SNX8: variants seen among roughly 807,000 people sequenced by gnomAD.
SNX8 encodes the protein sorting nexin-8.
In SNX8, 25 loss-of-function variants were observed where a neutral mutation model predicts 51.6. The ratio of observed to expected loss-of-function variants is 0.48; its 90% CI spans 0.35 to 0.68. SNX8 has a LOEUF of 0.68. Among genes scored for constraint, SNX8 ranks in the 30% least tolerant of loss-of-function variants. The pLI is 0.00. For synonymous variants in SNX8, 324 were observed against 277.0 expected (o/e 1.17, Z -1.68); for missense variants, 695 against 624.0 (o/e 1.11, Z -1.21).
At chr7:2,299,378 T>C (rs1444340225) in intron 1 of SNX8, 3 of 151,366 alleles carry the variant, frequency 2.0e-5, no homozygotes, top group Non-Finnish European at 4.4e-5. Flanking sequence ...CAAATCAGAG[T>C]CAAGGGACAA....
chr7:2,308,062 T>TGA (rs957350775), intron 1 of SNX8: 1 of 151,824 alleles, frequency 6.6e-6, no homozygotes, highest in Non-Finnish European at 1.5e-5. Context: ...TGTGTGTGTG[T>TGA]GAGAGAGAGA....
At chr7:2,290,700 G>A (rs749512092) in intron 1 of SNX8, among the ~76,000 whole-genome samples, 6 of 152,182 alleles carry the variant, frequency 3.9e-5, no homozygotes, top group Non-Finnish European at 8.8e-5. Context: ...TCATGGTGAT[G>A]GGGACCGCGC....
At chr7:2,291,843 T>C (rs1010134935) in intron 1 of SNX8, among the ~76,000 whole-genome samples, 3 of 152,202 alleles carry the variant, frequency 2.0e-5, no homozygotes, top group African/African-American at 7.2e-5. Context: ...CACAGGCTTC[T>C]CCCAAACTAA....
chr7:2,325,431 T>C (rs1200434669), intron 1 of SNX8, among the ~76,000 whole-genome samples: 1 of 152,170 alleles, frequency 6.6e-6, no homozygotes, highest in African/African-American at 2.4e-5. Flanking sequence ...GAACGTGGTA[T>C]AGAAAACCTA....
chr7:2,284,006 G>T (rs539508489), intron 1 of SNX8, among the ~76,000 whole-genome samples: 1 of 152,098 alleles, frequency 6.6e-6, no homozygotes, highest in East Asian at 1.9e-4. Flanking sequence ...TGTTGACCAG[G>T]CTTGTCCTGA....
At chr7:2,341,158 T>G (rs1778916412) in intron 1 of SNX8, among the ~76,000 whole-genome samples, 1 of 139,726 alleles carries the variant, frequency 7.2e-6, no homozygotes. Flanking sequence ...GACATCCAGA[T>G]CTTCTCTTAA....
chr7:2,347,952 C>T (rs1779064265), intron 1 of SNX8, among the ~76,000 whole-genome samples: 1 of 151,996 alleles, frequency 6.6e-6, no homozygotes, highest in Non-Finnish European at 1.5e-5. Flanking sequence ...CACACTGGAC[C>T]CTTTGAATCC....
At chr7:2,268,095 GC>G (rs1302525806) in intron 5 of SNX8, among the ~76,000 whole-genome samples, 5 of 142,416 alleles carry the variant, frequency 3.5e-5, no homozygotes, top group Non-Finnish European at 7.7e-5. Flanking sequence ...CTGGCCAGCC[GC>G]CCCGTCCGGG....
chr7:2,275,239 A>AAG lies in SNX8; in HGVS notation c.301-12_301-11dup. The AAG allele has an allele frequency of 6.3e-7, 1 of 1,586,366 alleles. No individual in the cohort carries two copies. The highest frequency in any genetic ancestry group is 2.2e-5 in the East Asian group (1 of 44,722). ...CCGAGGACTTGAAGCGCTGCAAGAG[A>AAG]AGGGTCGGTGCTTAGATCCGACGTT... On this transcript the variant is annotated splice_polypyrimidine_tract_variant and intron_variant, in intron 2 of 10. Transcript: ENST00000222990.
intron 1 of SNX8, among the ~76,000 whole-genome samples, chr7:2,298,319 A>G (rs76972890): frequency 0.036 from 5,541 of 152,050 alleles, 301 homozygotes; most frequent in African/African-American, 0.094. Context: ...AAGTCTCACT[A>G]TGGTGCCCAG....
intron 3 of SNX8, among the ~76,000 whole-genome samples, chr7:2,272,566 G>T (rs1795675654): frequency 6.6e-6 from 1 of 151,836 alleles, no homozygotes; most frequent in African/African-American, 2.4e-5. Flanking sequence ...AGTAGAGATG[G>T]GGTTTCACCA....
At chr7:2,265,721 G>C (rs1327851659) in intron 5 of SNX8, among the ~76,000 whole-genome samples, 2 of 152,204 alleles carry the variant, frequency 1.3e-5, no homozygotes, top group East Asian at 1.9e-4. Flanking sequence ...TGGGGGGAAG[G>C]CCTCTTCTAT....
In SNX8 at chr7:2,273,076, C is replaced by T. The variant is rs1005206428; in HGVS notation, c.419-1105G>A. Among the ~76,000 whole-genome samples, 6 of 152,170 alleles carry T rather than the reference C, an allele frequency of 3.9e-5. No individual in the cohort carries two copies. The East Asian group carries it at 7.8e-4, about 20-fold the overall frequency. The stretch of plus-strand genomic sequence containing the variant: ...CTCGAACTCCTGACCTCAGGTGATC[C>T]GCCCACCTCAGCCTCCCAAAGTGCT... On this transcript the variant is annotated intron_variant, in intron 3 of 10. Coordinates refer to ENST00000222990, the MANE Select transcript of SNX8 (RefSeq NM_013321.4).
intron 1 of SNX8, among the ~76,000 whole-genome samples, chr7:2,313,623 G>A (rs975385829): frequency 1.2e-4 from 19 of 152,264 alleles, no homozygotes; most frequent in Admixed American, 1.0e-3. Context: ...AGCACTTTGG[G>A]AGGCCAAGGC....
chr7:2,353,702 C>G (rs1779221246), intron 1 of SNX8, among the ~76,000 whole-genome samples: 1 of 152,090 alleles, frequency 6.6e-6, no homozygotes, highest in Admixed American at 6.6e-5. Context: ...AGGTCCGTCC[C>G]CGATAAACAC....
At chr7:2,317,938 T>C (rs573249658), upstream of SNX8, among the ~76,000 whole-genome samples, 2 of 152,308 alleles carry the variant, frequency 1.3e-5, no homozygotes, top group Non-Finnish European at 2.9e-5. Flanking sequence ...CCATATCTGA[T>C]AGCTGCTTCC....
At chr7:2,310,242 A>C (rs1182093606) in intron 1 of SNX8, among the ~76,000 whole-genome samples, 1 of 152,096 alleles carries the variant, frequency 6.6e-6, no homozygotes, top group Non-Finnish European at 1.5e-5. Context: ...TTCATGACCT[A>C]AGAACAGGCC....
At chr7:2,256,752 G>A in intron 10 of SNX8, 122 bp downstream of exon 10, 1 of 945,062 alleles carries the variant, frequency 1.1e-6, no homozygotes, top group Non-Finnish European at 1.5e-6. Flanking sequence ...CCCATGCGGA[G>A]CCCAACTCCA....
At chr7:2,285,321 A>G (rs1200536571) in intron 1 of SNX8, among the ~76,000 whole-genome samples, 1 of 152,046 alleles carries the variant, frequency 6.6e-6, no homozygotes, top group Non-Finnish European at 1.5e-5. Context: ...CCCGGGAGGC[A>G]GAGGTTGCGG....
Sources: gnomAD v4.1 joint callset for allele counts (sites outside exome capture counted in the v4.1 genomes callset) on GRCh38, gnomAD v4.1.1 for gene constraint, MANE v1.5 for transcripts, NCBI Gene and HGNC (gene_info 2026-07-23, HGNC 2026-07-21) for gene names.